PNPLA4: variants seen among roughly 807,000 people sequenced by gnomAD.
PNPLA4 encodes patatin like domain 4, phospholipase and triacylglycerol lipase, also known as patatin-like phospholipase domain-containing protein 4.
PNPLA4 carries 15 observed loss-of-function variants against 18.3 expected under a neutral mutation model. The ratio of observed to expected loss-of-function variants is 0.82; its 90% confidence interval spans 0.55 to 1.26. The LOEUF (loss-of-function observed/expected upper bound fraction) is 1.26. PNPLA4 is among the 50% of genes most tolerant of loss of function. The pLI is 0.00. For synonymous variants in PNPLA4, 88 were observed against 85.6 expected (o/e 1.03, Z -0.16); for missense variants, 229 against 196.8 (o/e 1.16, Z -0.98).
upstream of PNPLA4, chrX:7,927,498 C>G (rs1330340777): frequency 8.8e-6 from 1 of 113,600 alleles, no homozygotes; most frequent in Admixed American, 9.2e-5. Flanking sequence ...CCCGCCTGCT[C>G]TATTTAAACT....
chrX:7,924,512 G>A (rs1455157472), intron 2 of PNPLA4, among the ~76,000 whole-genome samples: 2 of 111,798 alleles, frequency 1.8e-5, no homozygotes, highest in African/African-American at 3.3e-5. Context: ...GATGCCCTAA[G>A]GAAACTAAGA....
intron 4 of PNPLA4, among the ~76,000 whole-genome samples, chrX:7,921,368 C>T (rs1924208811): frequency 8.9e-6 from 1 of 112,086 alleles, no homozygotes; most frequent in Admixed American, 9.5e-5. Context: ...ATGTTAAAAA[C>T]CCTACATACA....
intron 5 of PNPLA4, among the ~76,000 whole-genome samples, chrX:7,910,011 T>C (rs1306903093): frequency 1.8e-5 from 2 of 112,050 alleles, no homozygotes; most frequent in Admixed American, 1.9e-4. Context: ...AGAAACACTC[T>C]TAATTTGTAA....
At chrX:7,921,588 C>A in intron 4 of PNPLA4, 125 bp downstream of exon 4, 1 of 620,413 alleles carries the variant, frequency 1.6e-6, no homozygotes, top group Non-Finnish European at 2.6e-6. Context: ...ACTGAGCACT[C>A]AACCATCTAT....
Position 7,902,066 on chromosome X carries a change from T to G in PNPLA4, c.553A>C (p.Ser185Arg). The change falls in exon 6 of 7, where the codon AGT becomes CGT. Residue 185 changes from serine to arginine, a missense_variant. Physicochemically the swap from Ser to Arg is moderately radical, Grantham distance 110. Transcript: ENST00000381042. ...VGRTVTISPF[S>R]GRLDISPQDK... ...TGCGGGGAGATGTCCAGTCGTCCAC[T>G]GAAGGGGGAGATGGTTACTGTCCGG... is the stretch of plus-strand genomic sequence containing the variant. 8.3e-7 allele frequency: 1 copy of G among 1,209,153 alleles called. No individual in the cohort carries two copies.
chrX:7,914,388 AC>A (rs1923971166), intron 4 of PNPLA4, among the ~76,000 whole-genome samples: 1 of 111,843 alleles, frequency 8.9e-6, no homozygotes, highest in Non-Finnish European at 1.9e-5. Flanking sequence ...CTCTCAGTCC[AC>A]CGGTAGCAAT....
At chrX:7,922,178 A>C (rs1231347733) in intron 2 of PNPLA4, 80 bp from the exon 3 acceptor site, 1 of 683,250 alleles carries the variant, frequency 1.5e-6, no homozygotes, top group Non-Finnish European at 2.3e-6. Context: ...GGGATTCTAT[A>C]GACCCAACAG....
rs952267111 is a variant in PNPLA4, at chrX:7,924,801, G to T, written c.180+1139C>A. Reference sequence around the variant, plus strand: ...AATCATACAATACATTTTTTAATTTGCTGATAATTGGAAACCAAGTCTACA... The same window carrying T: ...AATCATACAATACATTTTTTAATTTTCTGATAATTGGAAACCAAGTCTACA... On this transcript the variant is annotated intron_variant, in intron 2 of 6. Coordinates refer to ENST00000381042, the MANE Select transcript of PNPLA4 (RefSeq NM_004650.3). Among the ~76,000 whole-genome samples, 28 of 111,894 alleles carry T rather than the reference G, an allele frequency of 2.5e-4. No individual in the cohort carries two copies. The Admixed American group carries it at 2.6e-3, about 10-fold the overall frequency.
At chrX:7,918,551 A>T (rs1164571290) in intron 4 of PNPLA4, among the ~76,000 whole-genome samples, 1 of 110,763 alleles carries the variant, frequency 9.0e-6, no homozygotes, top group East Asian at 2.9e-4. Context: ...AAACCATATC[A>T]AGACCCCAGG....
intron 2 of PNPLA4, among the ~76,000 whole-genome samples, chrX:7,923,074 TTTCAG>T (rs1339872323): frequency 4.7e-4 from 53 of 112,571 alleles, no homozygotes; most frequent in African/African-American, 1.7e-3. Flanking sequence ...CATTGCAGAA[TTTCAG>T]TTAAGTGGCT....
chrX:7,927,609 A>C (rs765215440), upstream of PNPLA4: 3 of 113,549 alleles, frequency 2.6e-5, no homozygotes, highest in Non-Finnish European at 5.6e-5. Context: ...GAGACATTTT[A>C]ACCCACACCC....
At chrX:7,905,298 T>C (rs1460636586) in intron 5 of PNPLA4, among the ~76,000 whole-genome samples, 1 of 112,651 alleles carries the variant, frequency 8.9e-6, no homozygotes, top group Non-Finnish European at 1.9e-5. Flanking sequence ...TTGTTAAACT[T>C]CGCTTTAGAC....
At chrX:7,909,384 C>A (rs1270452803) in intron 5 of PNPLA4, among the ~76,000 whole-genome samples, 1 of 110,392 alleles carries the variant, frequency 9.1e-6, no homozygotes, top group Non-Finnish European at 1.9e-5. Context: ...ACGGTGAAAC[C>A]CCATCTCTAC....
chrX:7,925,988 C>T lies in PNPLA4; in HGVS notation c.132G>A (p.Ala44=), dbSNP rs1924383441. 2 of 1,211,676 alleles carry T rather than the reference C, an allele frequency of 1.7e-6. No individual in the cohort carries two copies. Among genetic ancestry groups the T allele is most frequent in the East Asian group, 5.9e-5 (2 of 33,851 alleles). ...KDVKAFAGAS[A]GSLVASVLLT... is the part of the protein sequence containing the mutation. ...GCAGAACAGAAGCAACCAACGATCC[C>T]GCAGACGCCCCAGCGAAGGCTTTGA... Residue 44 remains alanine (A), a synonymous_variant, in exon 2 of 7, where the codon GCG becomes GCA. Coordinates refer to ENST00000381042, the MANE Select transcript of PNPLA4 (RefSeq NM_004650.3).
intron 4 of PNPLA4, among the ~76,000 whole-genome samples, chrX:7,920,530 T>C (rs892848180): frequency 8.9e-6 from 1 of 112,569 alleles, no homozygotes; most frequent in Non-Finnish European, 1.9e-5. Context: ...AACATTTCAT[T>C]AAGTATTTCA....
chrX:7,913,999 C>T (rs185258359), intron 4 of PNPLA4, among the ~76,000 whole-genome samples: 3 of 112,413 alleles, frequency 2.7e-5, no homozygotes, highest in African/African-American at 9.7e-5. Context: ...ATTTCATGCA[C>T]ATCTATCTCA....
intron 4 of PNPLA4, among the ~76,000 whole-genome samples, chrX:7,913,757 C>T (rs1010230045): frequency 2.7e-5 from 3 of 112,687 alleles, no homozygotes; most frequent in African/African-American, 6.4e-5. Context: ...AGTGGAGCCA[C>T]GTGCAAATGC....
At position 7,922,041 on chromosome X, in the gene PNPLA4, C is replaced by A. The variant is rs1924242146; in HGVS notation, c.238G>T (p.Ala80Ser). The change falls in exon 3 of 7, where the codon GCA becomes TCA. Residue 80 changes from alanine to serine, a missense_variant. Transcript: ENST00000381042. ...AEEIRRQSFGAVTPGYDFMAR... is the reference protein window; with the variant it reads ...AEEIRRQSFGSVTPGYDFMAR... ...ATGAAGTCATAACCGGGCGTTACTGCCCCGAAAGACTGCCTTCTGATTTCT... is the reference window on the plus strand; with the variant it reads ...ATGAAGTCATAACCGGGCGTTACTGACCCGAAAGACTGCCTTCTGATTTCT... 1 of 1,208,947 alleles carries A rather than the reference C, an allele frequency of 8.3e-7. No homozygotes were observed. Among genetic ancestry groups the A allele is most frequent in the Non-Finnish European group, 1.1e-6 (1 of 893,307 alleles).
chrX:7,914,687 A>G lies in PNPLA4; in HGVS notation c.412-2594T>C, dbSNP rs1923983133. Among the ~76,000 whole-genome samples, 3 of 111,862 alleles carry G rather than the reference A, an allele frequency of 2.7e-5. No individual in the cohort carries two copies. In the South Asian group the frequency reaches 1.1e-3, roughly 42 times the overall value. Reference sequence around the variant, plus strand: ...CATAAATATAATGATTTATTTCACTATTCTGCAGAGAGACATGTGGACTGC... The same window carrying G: ...CATAAATATAATGATTTATTTCACTGTTCTGCAGAGAGACATGTGGACTGC... On this transcript the variant is annotated intron_variant, in intron 4 of 6. Coordinates refer to ENST00000381042, the MANE Select transcript of PNPLA4 (RefSeq NM_004650.3).
Sources: gnomAD v4.1 joint callset for allele counts (sites outside exome capture counted in the v4.1 genomes callset) on GRCh38, gnomAD v4.1.1 for gene constraint, MANE v1.5 for transcripts, NCBI Gene and HGNC (gene_info 2026-07-23, HGNC 2026-07-21) for gene names.